The following RNF175 variants were observed in gnomAD, a reference collection of about 807,000 sequenced individuals.
The protein encoded by RNF175 is ring finger protein 175.
Under a neutral mutation model 50.0 loss-of-function variants are expected in RNF175, and 38 were observed. That is an observed-to-expected ratio of 0.76 (90% CI 0.59 to 1.00). RNF175 has a LOEUF of 1.00. RNF175 is among the 50% of genes least tolerant of loss of function. The probability of loss-of-function intolerance (pLI) is 0.00; values close to 1 mark genes in which losing one functional copy is unlikely to be tolerated. For missense variants in RNF175, 388 were observed against 409.6 expected (o/e 0.95, Z 0.46); for synonymous variants, 155 against 146.1 (o/e 1.06, Z -0.44).
chr4:153,717,983 C>T (rs1355544760), intron 6 of RNF175, among the ~76,000 whole-genome samples: 1 of 152,128 alleles, frequency 6.6e-6, no homozygotes, highest in Non-Finnish European at 1.5e-5. Context: ...AGTTTCACCA[C>T]TCTACATTTC....
In RNF175 at chr4:153,728,207, C is replaced by T. The variant is rs137898830; in HGVS notation, c.401G>A (p.Arg134Gln). 92 of 1,609,954 alleles carry T rather than the reference C, an allele frequency of 5.7e-5. No homozygotes were observed. The East Asian group carries it at 1.3e-3, about 22-fold the overall frequency. ...GGGAAGGAATGTATGGAATACATAC[C>T]GTGGTGTCCTTCCTGAGAGGGGTTT... Reference protein sequence around the residue: ...TRKPLSGRTPRLVYKWFLLIY... With the variant: ...TRKPLSGRTPQLVYKWFLLIY... Residue 134 changes from arginine (R) to glutamine (Q), a missense_variant and splice_region_variant, in exon 4 of 9, where the codon CGA (arginine) becomes CAA (glutamine). Arg to Gln is a conservative substitution (Grantham distance 43). Coordinates refer to ENST00000347063, the MANE Select transcript of RNF175 (RefSeq NM_173662.4).
At chr4:153,747,947 G>T (rs1193697162) in intron 3 of RNF175, among the ~76,000 whole-genome samples, 3 of 152,236 alleles carry the variant, frequency 2.0e-5, no homozygotes, top group Non-Finnish European at 2.9e-5. Context: ...TTTGCATCTT[G>T]CAAGGGCCTT....
At chr4:153,748,841 CAAA>C in intron 2 of RNF175, 55 bp from the exon 3 acceptor site, 1 of 1,409,338 alleles carries the variant, frequency 7.1e-7, no homozygotes, top group Non-Finnish European at 9.5e-7. Context: ...GCGCATTTAG[CAAA>C]AAAAACAAAA....
chr4:153,711,259 C>T (rs1409958513), intron 8 of RNF175, among the ~76,000 whole-genome samples: 1 of 152,144 alleles, frequency 6.6e-6, no homozygotes, highest in Admixed American at 6.5e-5. Context: ...AATTCCAGGA[C>T]AGTGGATGAA....
intron 3 of RNF175, among the ~76,000 whole-genome samples, chr4:153,731,802 A>C (rs1441587042): frequency 6.6e-6 from 1 of 152,098 alleles, no homozygotes; most frequent in Non-Finnish European, 1.5e-5. Context: ...TTGTGTGTGG[A>C]GGGTGGTGGG....
intron 6 of RNF175, among the ~76,000 whole-genome samples, chr4:153,718,222 G>GTGTTTTTTTT (rs1688936681): frequency 2.7e-5 from 1 of 37,540 alleles, no homozygotes; most frequent in African/African-American, 6.1e-5. Flanking sequence ...TTTTTTGTTT[G>GTGTTTTTTTT]TTTGTTTGTT....
intron 1 of RNF175, among the ~76,000 whole-genome samples, chr4:153,758,286 C>T (rs888263656): frequency 3.3e-5 from 5 of 152,154 alleles, no homozygotes; most frequent in East Asian, 3.9e-4. Context: ...GGTTAAAATG[C>T]GGATTTCAAT....
At chr4:153,725,371 G>A (rs1393873342) in intron 4 of RNF175, among the ~76,000 whole-genome samples, 2 of 152,132 alleles carry the variant, frequency 1.3e-5, no homozygotes, top group African/African-American at 4.8e-5. Context: ...GGTGATGGTG[G>A]AGAAACAGGC....
chr4:153,717,004 T>C (rs925053079), intron 6 of RNF175, among the ~76,000 whole-genome samples: 6 of 152,220 alleles, frequency 3.9e-5, no homozygotes, highest in African/African-American at 1.4e-4. Context: ...CTCTAAAATG[T>C]AATCATCACA....
chr4:153,716,310 C>A (rs865833968), intron 6 of RNF175, among the ~76,000 whole-genome samples: 10 of 152,244 alleles, frequency 6.6e-5, no homozygotes, highest in South Asian at 6.2e-4. Context: ...TCAGAGGAAG[C>A]CTTTGAGTTT....
At chr4:153,727,990 T>A (rs750842525) in intron 4 of RNF175, among the ~76,000 whole-genome samples, 1 of 152,222 alleles carries the variant, frequency 6.6e-6, no homozygotes, top group Admixed American at 6.5e-5. Context: ...ATATTTGAAG[T>A]AATAAATTTT....
At position 153,720,297 on chromosome 4, in the gene RNF175, C is replaced by T. The variant is rs1359251847; in HGVS notation, c.517G>A (p.Ala173Thr). 2 of 1,612,742 alleles carry T rather than the reference C, an allele frequency of 1.2e-6. No homozygotes were observed. Among genetic ancestry groups the T allele is most frequent in the Admixed American group, 1.7e-5 (1 of 60,006 alleles). The stretch of plus-strand genomic sequence containing the variant: ...ATGCCAAAATCCATGGAATCTCTAG[C>T]TTTGATTCTATTGAAAACAACAGTA... ...CGFNLFFKIK[A>T]RDSMDFGIVS... is the part of the protein sequence containing the mutation. The change falls in exon 6 of 9, where the codon GCT (alanine) becomes ACT (threonine). Residue 173 changes from alanine to threonine, a missense_variant. Coordinates refer to ENST00000347063, the MANE Select transcript of RNF175 (RefSeq NM_173662.4).
intron 3 of RNF175, among the ~76,000 whole-genome samples, chr4:153,737,478 G>T (rs1739413403): frequency 6.6e-6 from 1 of 151,924 alleles, no homozygotes; most frequent in African/African-American, 2.4e-5. Flanking sequence ...CACTGCTTTT[G>T]CTGCATCCCA....
chr4:153,746,577 A>C (rs1739986687), intron 3 of RNF175, among the ~76,000 whole-genome samples: 1 of 151,856 alleles, frequency 6.6e-6, no homozygotes, highest in African/African-American at 2.4e-5. Context: ...TGCATGCTGC[A>C]TGCCCATAGC....
intron 3 of RNF175, among the ~76,000 whole-genome samples, chr4:153,731,399 A>G (rs1158361610): frequency 6.6e-6 from 1 of 152,182 alleles, no homozygotes; most frequent in East Asian, 1.9e-4. Flanking sequence ...GTGTGTATAA[A>G]ACACATCTGC....
chr4:153,717,155 A>T (rs1037088351), intron 6 of RNF175, among the ~76,000 whole-genome samples: 1 of 152,202 alleles, frequency 6.6e-6, no homozygotes, highest in Non-Finnish European at 1.5e-5. Flanking sequence ...TTTGGGTTAT[A>T]ACCCAATACT....
At chr4:153,724,363 A>G (rs1288143182) in intron 4 of RNF175, among the ~76,000 whole-genome samples, 1 of 152,244 alleles carries the variant, frequency 6.6e-6, no homozygotes, top group Admixed American at 6.5e-5. Context: ...GAGGTAGTGG[A>G]TGGAAAAGCT....
At chr4:153,748,843 A>AAAAC (rs781145744) in intron 2 of RNF175, 57 bp from the exon 3 acceptor site, 47 of 1,487,100 alleles carry the variant, frequency 3.2e-5, no homozygotes, top group Middle Eastern at 1.9e-4. Flanking sequence ...GCATTTAGCA[A>AAAAC]AAAAAACAAA....
chr4:153,738,549 T>C (rs995517327), intron 3 of RNF175, among the ~76,000 whole-genome samples: 4 of 152,216 alleles, frequency 2.6e-5, no homozygotes, highest in Admixed American at 2.6e-4. Flanking sequence ...GAAATTAATA[T>C]AGCTGGTCCA....
Sources: allele counts gnomAD v4.1 joint callset (sites outside exome capture counted in the v4.1 genomes callset), GRCh38; gene constraint gnomAD v4.1.1; transcripts MANE v1.5; gene names NCBI Gene and HGNC (gene_info 2026-07-23, HGNC 2026-07-21).